The following TRERF1 variants were observed in gnomAD, a reference collection of about 807,000 sequenced individuals.
TRERF1 encodes the protein transcriptional-regulating factor 1.
Under a neutral mutation model 122.9 loss-of-function variants are expected in TRERF1, and 27 were observed. The observed-to-expected ratio is 0.22, with a 90% CI of 0.16 to 0.30. The LOEUF (loss-of-function observed/expected upper bound fraction) is 0.30. Ranked by LOEUF, TRERF1 falls within the 10% of genes least tolerant of loss-of-function variation. TRERF1 has a pLI of 1.00. For missense variants in TRERF1, 1,248 were observed against 1,560.3 expected (o/e 0.80, Z 3.37); for synonymous variants, 636 against 641.7 (o/e 0.99, Z 0.13).
rs1769871921 is a variant in TRERF1 at position 42,228,510 on chromosome 6, G to A, written c.3438C>T (p.Pro1146=). ...GTTTGATCAGACTCAGCTGGTCCAG[G>A]GGCAGCAGCCCCGGCGCCCCCACGG... Residue 1146 remains proline (P), a synonymous_variant, in exon 18 of 18, where the codon CCC becomes CCT. Transcript: ENST00000372922. This position sits in a 1 kb window ranked among gnomAD's most constrained non-coding sequence, Gnocchi z 4.2. 1 of 1,614,142 alleles carries A rather than the reference G, an allele frequency of 6.2e-7. No individual in the cohort carries two copies. The highest frequency in any genetic ancestry group is 1.7e-5 in the Admixed American group (1 of 60,008).
intron 3 of TRERF1, among the ~76,000 whole-genome samples, chr6:42,326,190 T>A (rs11757158): frequency 0.19 from 27,632 of 148,958 alleles, 3,759 homozygotes; most frequent in African/African-American, 0.4. Context: ...AAAAAAAAAA[T>A]TCAGTGCAAC....
At chr6:42,373,866 G>A (rs1409435216) in intron 2 of TRERF1, among the ~76,000 whole-genome samples, 1 of 151,680 alleles carries the variant, frequency 6.6e-6, no homozygotes, top group South Asian at 2.1e-4. Context: ...CGGGCGTGGT[G>A]GCTCACGTCT....
chr6:42,306,032 T>G (rs1251968088), intron 3 of TRERF1, among the ~76,000 whole-genome samples: 1 of 127,196 alleles, frequency 7.9e-6, no homozygotes, highest in Admixed American at 9.8e-5. Flanking sequence ...GACAGAGTCT[T>G]ACTCTGTCTC....
At chr6:42,424,372 G>A (rs1783291555) in intron 2 of TRERF1, among the ~76,000 whole-genome samples, 1 of 152,190 alleles carries the variant, frequency 6.6e-6, no homozygotes, top group Non-Finnish European at 1.5e-5. Flanking sequence ...ATGCCAACAT[G>A]ACAACACAAG....
At chr6:42,235,201 A>G (rs1383375570) in intron 16 of TRERF1, among the ~76,000 whole-genome samples, 1 of 152,198 alleles carries the variant, frequency 6.6e-6, no homozygotes, top group African/African-American at 2.4e-5. Context: ...AGCAGCATTC[A>G]GTACACTCTG....
intron 2 of TRERF1, among the ~76,000 whole-genome samples, chr6:42,373,581 G>A (rs555472532): frequency 6.6e-6 from 1 of 152,166 alleles, no homozygotes; most frequent in Admixed American, 6.5e-5. Context: ...GCAGGAGAAT[G>A]TCATGAACCC....
chr6:42,363,315 C>A (rs1041259021), intron 2 of TRERF1, among the ~76,000 whole-genome samples: 1 of 152,136 alleles, frequency 6.6e-6, no homozygotes, highest in Admixed American at 6.5e-5. Flanking sequence ...AGGCTCTAAA[C>A]CCAAGTCATC....
chr6:42,268,821 A>C lies in TRERF1; in HGVS notation c.770T>G (p.Leu257Arg). 6.2e-7 allele frequency: 1 copy of C among 1,614,152 alleles called. No homozygotes were observed. The highest frequency in any genetic ancestry group is 8.5e-7 in the Non-Finnish European group (1 of 1,180,022). Residue 257 changes from leucine to arginine, a missense_variant, in exon 5 of 18, where the codon CTG (leucine) becomes CGG (arginine). Leu to Arg is a moderately radical substitution (Grantham distance 102). Coordinates refer to ENST00000372922, the Ensembl canonical transcript of TRERF1. This position sits in a 1 kb window ranked among gnomAD's most constrained non-coding sequence, Gnocchi z 4.4. ...CTGCATCTGTTGCATGTGCTGTGAC[A>C]GCATCTGTGGGGCCTGCAGTGGCTG...
In TRERF1 at chr6:42,445,765, T is replaced by G. The variant is rs1477918839; in HGVS notation, c.-454+5412A>C. ...TAATGAGCATCTCACACCCACCCAC[T>G]CCTCTCCATGCACCTCCTTCGCCTC... On this transcript the variant is annotated intron_variant, in intron 2 of 17. Transcript: ENST00000372922. Among the ~76,000 whole-genome samples, 5 of 151,870 alleles carry G rather than the reference T, an allele frequency of 3.3e-5. No individual in the cohort carries two copies. In the East Asian group the frequency reaches 9.6e-4, roughly 29 times the overall value.
chr6:42,378,278 A>G (rs1195592107), intron 2 of TRERF1, among the ~76,000 whole-genome samples: 3 of 152,148 alleles, frequency 2.0e-5, no homozygotes, highest in Admixed American at 6.5e-5. Context: ...AGCTGAAAGC[A>G]AACTTGATAA....
At chr6:42,267,148 G>GACCT (rs1779351106) in intron 5 of TRERF1, among the ~76,000 whole-genome samples, 1 of 152,106 alleles carries the variant, frequency 6.6e-6, no homozygotes. Flanking sequence ...AACATAGGGA[G>GACCT]ACCTGTCTCT....
intron 2 of TRERF1, among the ~76,000 whole-genome samples, chr6:42,380,347 C>T (rs1421436380): frequency 6.6e-6 from 1 of 152,142 alleles, no homozygotes; most frequent in African/African-American, 2.4e-5. Context: ...CCTGACCAAG[C>T]CTTAACAGGA....
chr6:42,319,013 G>C (rs1168882174), intron 3 of TRERF1, among the ~76,000 whole-genome samples: 2 of 152,206 alleles, frequency 1.3e-5, no homozygotes, highest in Admixed American at 6.5e-5. Flanking sequence ...TCGCTTTTGG[G>C]CCAAGGTGGT....
At chr6:42,440,273 T>C (rs429650) in intron 2 of TRERF1, among the ~76,000 whole-genome samples, 103,237 of 151,944 alleles carry the variant, frequency 0.68, 36,491 homozygotes, top group Non-Finnish European at 0.79. Flanking sequence ...ACATAGCAAG[T>C]ATACAGTGAC....
intron 2 of TRERF1, among the ~76,000 whole-genome samples, chr6:42,436,814 AATATATATATATATATATATAT>A (rs56057543): frequency 4.5e-5 from 3 of 66,686 alleles, no homozygotes; most frequent in East Asian, 5.5e-4. Context: ...AAAAAAAAAA[AATATATATATATATATATATAT>A]ATATATATAT....
chr6:42,240,947 C>T (rs1341256166), intron 15 of TRERF1, among the ~76,000 whole-genome samples: 1 of 151,954 alleles, frequency 6.6e-6, no homozygotes, highest in East Asian at 1.9e-4. Flanking sequence ...GGCTGGAGTA[C>T]GGTGGCGCAA....
intron 16 of TRERF1, among the ~76,000 whole-genome samples, 163 bp from the exon 17 acceptor site, chr6:42,233,091 C>T (rs894549845): frequency 1.3e-5 from 2 of 151,382 alleles, no homozygotes; most frequent in African/African-American, 4.8e-5. Flanking sequence ...CAATCAAAAC[C>T]TCATCACTGC....
chr6:42,299,628 T>C (rs1785787385), intron 4 of TRERF1, among the ~76,000 whole-genome samples: 1 of 152,224 alleles, frequency 6.6e-6, no homozygotes, highest in Admixed American at 6.5e-5. Flanking sequence ...CTTTCAATGA[T>C]GATATATAGA....
chr6:42,264,787 G>C (rs1187144275), exon 7 of TRERF1: 2 of 1,614,134 alleles, frequency 1.2e-6, no homozygotes, highest in African/African-American at 2.7e-5. Flanking sequence ...AACTCCTTCA[G>C]GCAGATGGAG....
Sources: gnomAD v4.1 joint callset for allele counts (sites outside exome capture counted in the v4.1 genomes callset) on GRCh38, gnomAD v4.1.1 for gene constraint, Gnocchi (gnomAD v3.1) non-coding constraint, MANE v1.5 for transcripts, NCBI Gene and HGNC (gene_info 2026-07-23, HGNC 2026-07-21) for gene names.